GNAL: variants seen among roughly 807,000 people sequenced by gnomAD.
GNAL encodes G protein subunit alpha L.
A neutral mutation model predicts 55.1 loss-of-function variants in GNAL; 18 were observed. That is an observed-to-expected ratio of 0.33 (90% CI 0.23 to 0.48). GNAL has a LOEUF of 0.48. GNAL is among the 20% of genes least tolerant of loss of function. GNAL has a pLI of 0.99. For missense variants in GNAL, 412 were observed against 614.1 expected (o/e 0.67, Z 3.48); for synonymous variants, 253 against 237.0 (o/e 1.07, Z -0.62).
At chr18:11,701,421 T>G (rs1295621953) in intron 1 of GNAL, among the ~76,000 whole-genome samples, 2 of 151,944 alleles carry the variant, frequency 1.3e-5, no homozygotes, top group African/African-American at 4.8e-5. Context: ...TGAAACCCCA[T>G]CTCTACTAAA....
intron 11 of GNAL, among the ~76,000 whole-genome samples, chr18:11,877,667 G>A (rs1252237679): frequency 6.6e-6 from 1 of 152,180 alleles, no homozygotes; most frequent in Non-Finnish European, 1.5e-5. Flanking sequence ...CTTAACACGT[G>A]TGGACAAGAT....
At chr18:11,757,468 T>A (rs565081913) in intron 4 of GNAL, among the ~76,000 whole-genome samples, 2 of 152,176 alleles carry the variant, frequency 1.3e-5, no homozygotes, top group South Asian at 4.2e-4. Flanking sequence ...AGTCTAATAA[T>A]ACAGTGGAAA....
At chr18:11,768,259 C>G (rs1433991725) in intron 4 of GNAL, among the ~76,000 whole-genome samples, 8 of 152,190 alleles carry the variant, frequency 5.3e-5, no homozygotes, top group African/African-American at 1.7e-4. Flanking sequence ...GTTATGACCT[C>G]TGGCCTCAAA....
At chr18:11,721,582 C>T (rs1160282078) in intron 1 of GNAL, among the ~76,000 whole-genome samples, 1 of 151,920 alleles carries the variant, frequency 6.6e-6, no homozygotes, top group African/African-American at 2.4e-5. Flanking sequence ...ATGGTGAAAC[C>T]CCGTCTCTAT....
At chr18:11,822,351 TC>T (rs1347316174) in intron 4 of GNAL, among the ~76,000 whole-genome samples, 2 of 152,130 alleles carry the variant, frequency 1.3e-5, no homozygotes, top group African/African-American at 4.8e-5. Context: ...ACACCTGTCG[TC>T]CCCGCTGCTC....
chr18:11,827,831 C>T (rs965216383), intron 5 of GNAL, among the ~76,000 whole-genome samples: 4 of 151,722 alleles, frequency 2.6e-5, no homozygotes, highest in African/African-American at 9.7e-5. Flanking sequence ...ATTAGCCGGG[C>T]GTGGTGGCCG....
intron 10 of GNAL, among the ~76,000 whole-genome samples, chr18:11,873,828 C>T (rs1309006793): frequency 1.3e-5 from 2 of 152,034 alleles, no homozygotes; most frequent in Non-Finnish European, 2.9e-5. Flanking sequence ...TGTCACTCAG[C>T]TCAGGCAGTG....
At chr18:11,787,937 A>G (rs1452402776) in intron 4 of GNAL, among the ~76,000 whole-genome samples, 1 of 151,902 alleles carries the variant, frequency 6.6e-6, no homozygotes, top group Non-Finnish European at 1.5e-5. Flanking sequence ...GGTTTGGCCA[A>G]TCCCAGAGAA....
At chr18:11,760,447 C>T in intron 4 of GNAL, among the ~76,000 whole-genome samples, 1 of 152,164 alleles carries the variant, frequency 6.6e-6, no homozygotes, top group African/African-American at 2.4e-5. Context: ...GCACAGTAAA[C>T]TTTCGCCTTC....
At chr18:11,814,898 CAA>C (rs1260063707) in intron 4 of GNAL, among the ~76,000 whole-genome samples, 15 of 85,904 alleles carry the variant, frequency 1.7e-4, no homozygotes, top group African/African-American at 1.6e-4. Flanking sequence ...AACTCCATCT[CAA>C]AAAAAAAAAA....
intron 10 of GNAL, among the ~76,000 whole-genome samples, chr18:11,873,092 G>C (rs1454080078): frequency 6.6e-6 from 1 of 152,230 alleles, no homozygotes; most frequent in Non-Finnish European, 1.5e-5. Flanking sequence ...TTACACTTCA[G>C]TTTCCAGTGA....
intron 4 of GNAL, among the ~76,000 whole-genome samples, chr18:11,797,937 G>A (rs1374113943): frequency 6.6e-6 from 1 of 152,188 alleles, no homozygotes; most frequent in East Asian, 1.9e-4. Context: ...TGGAGAGAGA[G>A]AGGGTTAGTG....
At position 11,753,944 on chromosome 18, in the gene GNAL, A is replaced by C; in HGVS notation, c.623A>C (p.Gln208Pro). 1 of 1,603,826 alleles carries C rather than the reference A, an allele frequency of 6.2e-7. No homozygotes were observed. The highest frequency in any genetic ancestry group is 2.2e-5 in the East Asian group (1 of 44,836). ...CCTATCACTGACTTTGAATATTCCC[A>C]GGTAAGAAATGCTTACTGAAATATT... is the stretch of plus-strand genomic sequence containing the variant. ...IAPITDFEYS[Q>P]EFFDHVKKLW... is the part of the protein sequence containing the mutation. The change falls in exon 4 of 12, where the codon CAG (glutamine) becomes CCG (proline). Residue 208 changes from glutamine (Q) to proline (P), a missense_variant and splice_region_variant. By Grantham distance (76) the Gln-to-Pro change is moderately conservative. This residue lies in a region of GNAL where 47 missense variants were observed against 82.7 expected (regional missense o/e 0.57). Transcript: ENST00000334049.
intron 1 of GNAL, among the ~76,000 whole-genome samples, chr18:11,714,996 A>G (rs2031920948): frequency 6.6e-6 from 1 of 152,048 alleles, no homozygotes; most frequent in South Asian, 2.1e-4. Context: ...ACCAAAAAAA[A>G]TAACCAGGCA....
chr18:11,829,463 C>A (rs554868772), intron 5 of GNAL, among the ~76,000 whole-genome samples: 6 of 152,320 alleles, frequency 3.9e-5, no homozygotes, highest in African/African-American at 1.4e-4. Flanking sequence ...CTGCCAAATT[C>A]TTTTACTTTG....
At chr18:11,717,256 T>TC (rs1373158727) in intron 1 of GNAL, among the ~76,000 whole-genome samples, 1 of 151,892 alleles carries the variant, frequency 6.6e-6, no homozygotes, top group African/African-American at 2.4e-5. Context: ...CTGGCCCTGT[T>TC]CCCCCGGCAC....
Position 11,695,922 on chromosome 18 carries a change from G to GCACA in GNAL, c.376+6010_376+6013dup, listed in dbSNP as rs10661294. Among the ~76,000 whole-genome samples the GCACA allele has an allele frequency of 4.1e-4, 56 of 136,094 alleles. 1 individual carries two copies. Among genetic ancestry groups the GCACA allele is most frequent in the Non-Finnish European group, 5.7e-4 (37 of 64,554 alleles). 89.3% of individuals were successfully genotyped at this position (136,094 alleles called of 152,430 possible). On this transcript the variant is annotated intron_variant, in intron 1 of 11. Coordinates refer to ENST00000334049, the MANE Select transcript of GNAL (RefSeq NM_182978.4). ...CATGCTCAGACATGCATGCACGCAT[G>GCACA]CACACACACACACACACACACACAC...
At chr18:11,756,048 T>C (rs2033045694) in intron 4 of GNAL, among the ~76,000 whole-genome samples, 1 of 152,226 alleles carries the variant, frequency 6.6e-6, no homozygotes, top group South Asian at 2.1e-4. Flanking sequence ...GGAAATGCTA[T>C]TCTTAACATC....
chr18:11,830,090 G>A (rs1007002295), intron 5 of GNAL, among the ~76,000 whole-genome samples: 1 of 152,124 alleles, frequency 6.6e-6, no homozygotes, highest in African/African-American at 2.4e-5. Context: ...AGTATTTGAT[G>A]TGGTATTAAC....
Sources: gnomAD v4.1 joint callset for allele counts (sites outside exome capture counted in the v4.1 genomes callset) on GRCh38, gnomAD v4.1.1 for gene constraint, gnomAD v4.1.1 regional missense constraint, MANE v1.5 for transcripts, NCBI Gene and HGNC (gene_info 2026-07-23, HGNC 2026-07-21) for gene names.